DYDC1: variants seen among roughly 807,000 people sequenced by gnomAD.
DYDC1 encodes DPY30 domain containing 1, also known as DPY30 domain-containing protein 1.
A neutral mutation model predicts 27.9 loss-of-function variants in DYDC1; 21 were observed. The ratio of observed to expected loss-of-function variants is 0.75; its 90% CI spans 0.53 to 1.08. The LOEUF (loss-of-function observed/expected upper bound fraction) is 1.08. DYDC1 is among the 50% of genes least tolerant of loss of function. The probability of loss-of-function intolerance (pLI) is 0.00; values close to 1 mark genes in which losing one functional copy is unlikely to be tolerated. For missense variants in DYDC1, 202 were observed against 205.9 expected (o/e 0.98, Z 0.12); for synonymous variants, 67 against 65.8 (o/e 1.02, Z -0.09).
chr10:80,348,534 T>C (rs555084674), intron 3 of DYDC1, among the ~76,000 whole-genome samples: 177 of 152,344 alleles, frequency 1.2e-3, no homozygotes, highest in African/African-American at 3.9e-3. Flanking sequence ...ATATTAGATC[T>C]CCGTTCCCAA....
At chr10:80,344,351 G>C (rs1271706049) in intron 3 of DYDC1, among the ~76,000 whole-genome samples, 1 of 152,178 alleles carries the variant, frequency 6.6e-6, no homozygotes, top group African/African-American at 2.4e-5. Context: ...GGTGAGAGCA[G>C]CTGCTCAGAG....
intron 1 of DYDC1, among the ~76,000 whole-genome samples, chr10:80,355,476 C>T (rs943214444): frequency 1.4e-4 from 22 of 152,188 alleles, no homozygotes; most frequent in African/African-American, 5.1e-4. Flanking sequence ...ATCAATCTTG[C>T]TTCTTGGATC....
intron 3 of DYDC1, among the ~76,000 whole-genome samples, chr10:80,348,844 T>C (rs1842817577): frequency 6.6e-6 from 1 of 152,214 alleles, no homozygotes; most frequent in Admixed American, 6.5e-5. Flanking sequence ...TAAAAAGACA[T>C]TTTCAAGGAT....
At chr10:80,336,719 T>C (rs1353478903) in intron 6 of DYDC1, among the ~76,000 whole-genome samples, 1 of 152,224 alleles carries the variant, frequency 6.6e-6, no homozygotes, top group Admixed American at 6.5e-5. Context: ...CATCAACTCA[T>C]CAAATGTTAA....
At chr10:80,338,696 A>T in intron 5 of DYDC1, 125 bp from the exon 6 acceptor site, 1 of 995,776 alleles carries the variant, frequency 1.0e-6, no homozygotes, top group Admixed American at 3.8e-5. Flanking sequence ...AATTAGTGGA[A>T]TTAACCAATT....
intron 3 of DYDC1, among the ~76,000 whole-genome samples, chr10:80,347,690 C>T (rs1175428060): frequency 6.6e-6 from 1 of 152,186 alleles, no homozygotes; most frequent in African/African-American, 2.4e-5. Flanking sequence ...GTTGTCCCAA[C>T]ACCGTTCATT....
chr10:80,350,033 C>T (rs565804711), intron 3 of DYDC1, among the ~76,000 whole-genome samples: 7 of 152,176 alleles, frequency 4.6e-5, no homozygotes, highest in Non-Finnish European at 1.0e-4. Flanking sequence ...TCAGAAGGCA[C>T]CCAGAGGCCT....
chr10:80,353,656 C>T (rs924744825), intron 1 of DYDC1, among the ~76,000 whole-genome samples: 1 of 150,544 alleles, frequency 6.6e-6, no homozygotes, highest in Non-Finnish European at 1.5e-5. Flanking sequence ...TCGAGACCAT[C>T]CTGGCTAACG....
intron 1 of DYDC1, chr10:80,356,223 T>C (rs1000073229): frequency 6.1e-6 from 6 of 982,088 alleles, no homozygotes; most frequent in Non-Finnish European, 7.3e-6. Context: ...CCATCTCTCC[T>C]GTGGTAAGCA....
intron 4 of DYDC1, among the ~76,000 whole-genome samples, chr10:80,341,442 C>CAAAAAAAAAAAAAAAAA (rs58419721): frequency 1.9e-4 from 9 of 46,778 alleles, no homozygotes; most frequent in Admixed American, 2.2e-4. Context: ...GACTCTGTCT[C>CAAAAAAAAAAAAAAAAA]AAAAAAAAAA....
At chr10:80,355,738 A>G (rs915052620) in intron 1 of DYDC1, among the ~76,000 whole-genome samples, 1 of 152,222 alleles carries the variant, frequency 6.6e-6, no homozygotes, top group Non-Finnish European at 1.5e-5. Context: ...TATTAGCAAC[A>G]GCAGTGGGGA....
chr10:80,337,256 C>T, intron 6 of DYDC1: 1 of 985,462 alleles, frequency 1.0e-6, no homozygotes, highest in Non-Finnish European at 1.2e-6. Context: ...CCCATTGGCC[C>T]ACGGCCCCCA....
intron 3 of DYDC1, among the ~76,000 whole-genome samples, chr10:80,346,200 T>A (rs929171241): frequency 6.6e-6 from 1 of 152,164 alleles, no homozygotes; most frequent in Admixed American, 6.5e-5. Context: ...TGTTTCCAAA[T>A]CTTGGCTATT....
intron 6 of DYDC1, chr10:80,337,141 T>C (rs961522897): frequency 1.4e-5 from 14 of 985,368 alleles, no homozygotes; most frequent in South Asian, 4.7e-5. Context: ...TGCTGTCTCT[T>C]TCCTCTGGGC....
intron 3 of DYDC1, among the ~76,000 whole-genome samples, chr10:80,348,414 G>A (rs762681088): frequency 6.6e-5 from 10 of 152,164 alleles, no homozygotes; most frequent in Non-Finnish European, 1.0e-4. Flanking sequence ...TCACTCATAT[G>A]TAAAACTTAC....
chr10:80,337,953 G>A (rs1842187790), intron 6 of DYDC1: 1 of 432,912 alleles, frequency 2.3e-6, no homozygotes, highest in Non-Finnish European at 3.1e-6. Context: ...ACTATTAAAT[G>A]TTCATCTAAT....
At chr10:80,353,213 C>T (rs1843108661) in intron 1 of DYDC1, among the ~76,000 whole-genome samples, 1 of 151,982 alleles carries the variant, frequency 6.6e-6, no homozygotes, top group South Asian at 2.1e-4. Context: ...CAAATAATAA[C>T]ATATGAAGCT....
intron 1 of DYDC1, 59 bp downstream of exon 1, chr10:80,356,653 C>T: frequency 1.0e-6 from 1 of 984,548 alleles, no homozygotes; most frequent in Non-Finnish European, 1.2e-6. Flanking sequence ...GCCCGCCGGA[C>T]CCAGCGAAGC....
chr10:80,340,765 C>T (rs1842293014), intron 4 of DYDC1, among the ~76,000 whole-genome samples: 1 of 152,110 alleles, frequency 6.6e-6, no homozygotes, highest in African/African-American at 2.4e-5. Flanking sequence ...TTGATACAAG[C>T]ATACAATATG....
Sources: gnomAD v4.1 joint callset for allele counts (sites outside exome capture counted in the v4.1 genomes callset) on GRCh38, gnomAD v4.1.1 for gene constraint, MANE v1.5 for transcripts, NCBI Gene and HGNC (gene_info 2026-07-23, HGNC 2026-07-21) for gene names.